ATP6V1C1: variants seen among roughly 807,000 people sequenced by gnomAD.
The protein encoded by ATP6V1C1 is V-type proton ATPase subunit C 1.
A neutral mutation model predicts 53.9 loss-of-function variants in ATP6V1C1; 45 were observed. The ratio of observed to expected loss-of-function variants is 0.83; its 90% CI spans 0.66 to 1.07. The LOEUF (loss-of-function observed/expected upper bound fraction) is 1.07. ATP6V1C1 is among the 50% of genes least tolerant of loss of function. The pLI is 0.00. For missense variants in ATP6V1C1, 315 were observed against 440.3 expected (o/e 0.72, Z 2.55); for synonymous variants, 153 against 155.2 (o/e 0.99, Z 0.11).
chr8:103,065,294 C>T (rs2454029), intron 11 of ATP6V1C1, among the ~76,000 whole-genome samples: 20,103 of 152,226 alleles, frequency 0.13, 1,488 homozygotes, highest in Middle Eastern at 0.19. Flanking sequence ...CAGTGGCTCA[C>T]GCCTGTAATC....
intron 1 of ATP6V1C1, among the ~76,000 whole-genome samples, chr8:103,035,164 T>C (rs563119943): frequency 6.6e-6 from 1 of 152,266 alleles, no homozygotes; most frequent in African/African-American, 2.4e-5. Flanking sequence ...ACCCTTGACA[T>C]AAAAGACAAA....
Position 103,068,606 on chromosome 8 carries a change from G to T in ATP6V1C1, c.1054-46G>T, listed in dbSNP as rs201763203. On this transcript the variant is annotated intron_variant, in intron 12 of 12. Transcript: ENST00000518738. ...ATGTTAATACTTGCTTTCTTTTTTT[G>T]AGTTCTGTAAATACAAAATTGAATA... 16 of 1,430,814 alleles carry T rather than the reference G, an allele frequency of 1.1e-5. No homozygotes were observed. In the East Asian group the frequency reaches 1.2e-4, roughly 11 times the overall value. 88.6% of individuals were successfully genotyped at this position (1,430,814 alleles called of 1,614,324 possible).
rs1292224215 is a variant in ATP6V1C1, at chr8:103,070,994, A to C, written c.*2247A>C. The C allele has an allele frequency of 2.6e-5, 4 of 152,302 alleles. No homozygotes were observed. The highest frequency in any genetic ancestry group is 2.9e-5 in the Non-Finnish European group (2 of 68,070). The allele number at this position is 152,302 out of a possible 1,614,324, so 9.4% of individuals were successfully genotyped here. ...TGGTGAGAGGTTGATGCAGGTACTT[A>C]GCCCTTGGGGAACACAGGTAGTTCC... On this transcript the variant is annotated 3_prime_UTR_variant, in exon 13 of 13. Transcript: ENST00000518738.
intron 1 of ATP6V1C1, among the ~76,000 whole-genome samples, chr8:103,039,724 G>C (rs954268537): frequency 6.6e-6 from 1 of 152,118 alleles, no homozygotes; most frequent in Non-Finnish European, 1.5e-5. Context: ...CCTTCTGTGT[G>C]TGTGGGAAGG....
chr8:103,027,900 C>A (rs1282202271), intron 1 of ATP6V1C1, among the ~76,000 whole-genome samples: 2 of 152,042 alleles, frequency 1.3e-5, no homozygotes, highest in Non-Finnish European at 2.9e-5. Flanking sequence ...TCTCCCACCC[C>A]CAATTGTAAG....
chr8:103,035,968 A>T (rs1053382897), intron 1 of ATP6V1C1, among the ~76,000 whole-genome samples: 2 of 152,166 alleles, frequency 1.3e-5, no homozygotes, highest in South Asian at 2.1e-4. Flanking sequence ...AATTGTGATG[A>T]TCCTGGACGA....
intron 12 of ATP6V1C1, among the ~76,000 whole-genome samples, chr8:103,067,325 G>A (rs1405144365): frequency 2.7e-5 from 4 of 148,368 alleles, no homozygotes; most frequent in South Asian, 2.1e-4. Context: ...CTTGAACCTC[G>A]GGGGGTGGTT....
At chr8:103,022,744 G>A (rs543334185) in intron 1 of ATP6V1C1, among the ~76,000 whole-genome samples, 1 of 152,108 alleles carries the variant, frequency 6.6e-6, no homozygotes, top group Non-Finnish European at 1.5e-5. Context: ...GAATGTGAAG[G>A]TGTGAGTGAA....
chr8:103,022,680 T>C (rs1379357661), intron 1 of ATP6V1C1, among the ~76,000 whole-genome samples: 1 of 152,142 alleles, frequency 6.6e-6, no homozygotes, highest in Non-Finnish European at 1.5e-5. Flanking sequence ...TCATACCCTC[T>C]CGCTCTGAGA....
chr8:103,025,157 T>C (rs1816674027), intron 1 of ATP6V1C1, among the ~76,000 whole-genome samples: 1 of 152,218 alleles, frequency 6.6e-6, no homozygotes, highest in East Asian at 1.9e-4. Context: ...TTAAACAGAC[T>C]ATCAATGAAT....
chr8:103,027,334 G>A (rs922108727), intron 1 of ATP6V1C1, among the ~76,000 whole-genome samples: 2 of 152,138 alleles, frequency 1.3e-5, no homozygotes, highest in Non-Finnish European at 2.9e-5. Flanking sequence ...CAGAGACCAC[G>A]GTTTGGTTTT....
chr8:103,042,286 T>G (rs1042098071), intron 2 of ATP6V1C1, 54 bp from the exon 3 acceptor site: 1 of 1,010,304 alleles, frequency 9.9e-7, no homozygotes, highest in Admixed American at 2.5e-5. Context: ...AATCATCTTG[T>G]TTTTTTTTTT....
At chr8:103,060,114 T>C (rs1048081007) in intron 8 of ATP6V1C1, among the ~76,000 whole-genome samples, 1 of 151,894 alleles carries the variant, frequency 6.6e-6, no homozygotes, top group Non-Finnish European at 1.5e-5. Context: ...ATTACAGGCA[T>C]GTGCCACCAC....
Position 103,062,658 on chromosome 8 carries a change from C to T in ATP6V1C1, c.642-297C>T, listed in dbSNP as rs141242115. On this transcript the variant is annotated intron_variant, in intron 8 of 12. Coordinates refer to ENST00000518738, the MANE Select transcript of ATP6V1C1 (RefSeq NM_001695.5). ...AGACACTGGAAACAAAGCAGCTTGGCGCTGATGTTGATTGAAAAGTGTGGT... is the reference window on the plus strand; with the variant it reads ...AGACACTGGAAACAAAGCAGCTTGGTGCTGATGTTGATTGAAAAGTGTGGT... Among the ~76,000 whole-genome samples, 371 of 152,232 alleles carry T rather than the reference C, an allele frequency of 2.4e-3. 2 individuals carry two copies. The highest frequency in any genetic ancestry group is 8.7e-3 in the African/African-American group (360 of 41,552).
At position 103,053,976 on chromosome 8, in the gene ATP6V1C1, T is replaced by G; in HGVS notation, c.566T>G (p.Val189Gly). The change falls in exon 7 of 13, where the codon GTT (valine) becomes GGT (glycine). Residue 189 changes from valine to glycine, a missense_variant. Physicochemically the swap from Val to Gly is moderately radical, Grantham distance 109. Transcript: ENST00000518738. ...TATCTCGTCACATTACTGGTAGTAG[T>G]TCCCAAGTAAGTCTTTCTATTATAA... Reference protein sequence around the residue: ...SEYLVTLLVVVPKLNHNDWIK... With the variant: ...SEYLVTLLVVGPKLNHNDWIK... 3 of 1,604,588 alleles carry G rather than the reference T, an allele frequency of 1.9e-6. No homozygotes were observed. The highest frequency in any genetic ancestry group is 2.6e-6 in the Non-Finnish European group (3 of 1,174,492).
At chr8:103,061,805 G>A (rs1181152168) in intron 8 of ATP6V1C1, among the ~76,000 whole-genome samples, 1 of 152,154 alleles carries the variant, frequency 6.6e-6, no homozygotes, top group Non-Finnish European at 1.5e-5. Context: ...ACATTCCCCT[G>A]CCCCAAGGTT....
intron 1 of ATP6V1C1, among the ~76,000 whole-genome samples, chr8:103,023,537 G>A (rs1816636462): frequency 6.6e-6 from 1 of 152,172 alleles, no homozygotes; most frequent in South Asian, 2.1e-4. Flanking sequence ...AGGCAGTCCT[G>A]AAGTACATAG....
intron 8 of ATP6V1C1, among the ~76,000 whole-genome samples, chr8:103,058,141 A>C (rs1817323237): frequency 6.6e-6 from 1 of 152,214 alleles, no homozygotes; most frequent in Admixed American, 6.5e-5. Flanking sequence ...AAAATATTCC[A>C]TCAGAGATTT....
At chr8:103,066,970 C>T (rs1268466095) in intron 12 of ATP6V1C1, among the ~76,000 whole-genome samples, 1 of 148,670 alleles carries the variant, frequency 6.7e-6, no homozygotes, top group Non-Finnish European at 1.5e-5. Context: ...AAGATCCCAT[C>T]TGAAAAAAGA....
Sources: gnomAD v4.1 joint callset for allele counts (sites outside exome capture counted in the v4.1 genomes callset) on GRCh38, gnomAD v4.1.1 for gene constraint, MANE v1.5 for transcripts, NCBI Gene and HGNC (gene_info 2026-07-23, HGNC 2026-07-21) for gene names.